Variants in PHF12 observed in about 807,000 individuals in gnomAD.
PHF12 encodes PHD factor 1.
PHF12 carries 6 observed loss-of-function variants against 99.8 expected under a neutral mutation model. That is an observed-to-expected ratio of 0.06 (90% CI 0.03 to 0.12). The LOEUF is 0.12. Among genes scored for constraint, PHF12 ranks in the 10% least tolerant of loss-of-function variants. The pLI is 1.00. For missense variants in PHF12, 954 were observed against 1,300.1 expected (o/e 0.73, Z 4.09); for synonymous variants, 480 against 514.9 (o/e 0.93, Z 0.92).
chr17:28,911,103 T>C lies in PHF12; in HGVS notation c.2215+9A>G. The C allele has an allele frequency of 6.2e-7, 1 of 1,614,080 alleles. No homozygotes were observed. The highest frequency in any genetic ancestry group is 2.2e-5 in the East Asian group (1 of 44,872). On this transcript the variant is annotated intron_variant, in intron 10 of 14. Coordinates refer to ENST00000332830, the MANE Select transcript of PHF12 (RefSeq NM_001033561.2). The stretch of plus-strand genomic sequence containing the variant: ...CAAACGGTGGAACAGCAGCAGCTCA[T>C]TCACTCACCTCCATTGACATCCATA...
intron 2 of PHF12, among the ~76,000 whole-genome samples, chr17:28,934,812 G>C (rs570603385): frequency 6.6e-6 from 1 of 152,168 alleles, no homozygotes; most frequent in Admixed American, 6.5e-5. Context: ...TCTTGGTCAG[G>C]CTGGTCTCGA....
At chr17:28,946,973 G>C (rs897572552) in intron 2 of PHF12, among the ~76,000 whole-genome samples, 4 of 151,970 alleles carry the variant, frequency 2.6e-5, no homozygotes, top group Non-Finnish European at 4.4e-5. Flanking sequence ...AAATTAAGCA[G>C]TAATAGGACA....
At chr17:28,912,368 A>G in intron 9 of PHF12, 114 bp downstream of exon 9, 1 of 1,438,464 alleles carries the variant, frequency 7.0e-7, no homozygotes, top group Non-Finnish European at 9.1e-7. Flanking sequence ...GACAAACAAT[A>G]CAAAGGCCAA....
At chr17:28,937,127 T>C (rs995170935) in intron 2 of PHF12, among the ~76,000 whole-genome samples, 1 of 152,222 alleles carries the variant, frequency 6.6e-6, no homozygotes, top group Non-Finnish European at 1.5e-5. Context: ...TAAAGTTTAA[T>C]TTAAATTTTA....
chr17:28,907,084 A>C, intron 13 of PHF12, 90 bp from the exon 14 acceptor site: 1 of 1,430,102 alleles, frequency 7.0e-7, no homozygotes, highest in Non-Finnish European at 9.5e-7. Context: ...AGGCCGTGCT[A>C]CTCTACCTAG....
intron 2 of PHF12, among the ~76,000 whole-genome samples, chr17:28,936,789 G>A (rs2040518367): frequency 6.6e-6 from 1 of 152,076 alleles, no homozygotes; most frequent in Non-Finnish European, 1.5e-5. Flanking sequence ...CACAGTTCAC[G>A]GGGCTCATCC....
chr17:28,929,954 T>C (rs1270582065), intron 2 of PHF12: 2 of 152,254 alleles, frequency 1.3e-5, no homozygotes, highest in Non-Finnish European at 2.9e-5. Context: ...AAATTAACCC[T>C]GAAGGGTGTC....
chr17:28,947,387 G>C (rs1389335237), intron 2 of PHF12, among the ~76,000 whole-genome samples: 1 of 152,066 alleles, frequency 6.6e-6, no homozygotes, highest in Non-Finnish European at 1.5e-5. Context: ...TCTCCAGCCT[G>C]GCCAACGTGG....
chr17:28,948,230 C>A (rs570179181), intron 2 of PHF12, among the ~76,000 whole-genome samples: 13 of 152,272 alleles, frequency 8.5e-5, no homozygotes, highest in African/African-American at 2.4e-4. Context: ...AGGACGTAAG[C>A]CCACATTTTA....
At chr17:28,947,585 AAAAC>A (rs768129076) in intron 2 of PHF12, among the ~76,000 whole-genome samples, 5 of 152,162 alleles carry the variant, frequency 3.3e-5, no homozygotes, top group Admixed American at 6.5e-5. Context: ...GTCTCAGAAA[AAAAC>A]AAACAAACAA....
Position 28,951,042 on chromosome 17 carries a change from T to G in PHF12, c.-82A>C. ...GGGGGGAGGTGAGGGGAGGGGGCGC[T>G]CCTGACCCCGGCCCCGCTTTTTTCC... On this transcript the variant is annotated 5_prime_UTR_variant, in exon 1 of 15. Coordinates refer to ENST00000332830, the MANE Select transcript of PHF12 (RefSeq NM_001033561.2). 6.3e-7 allele frequency: 1 copy of G among 1,598,634 alleles called. No homozygotes were observed. The highest frequency in any genetic ancestry group is 8.5e-7 in the Non-Finnish European group (1 of 1,172,394).
chr17:28,930,892 G>A (rs1159277913), intron 2 of PHF12, among the ~76,000 whole-genome samples: 2 of 152,102 alleles, frequency 1.3e-5, no homozygotes, highest in East Asian at 3.9e-4. Flanking sequence ...GCGACATGGT[G>A]AAACCCCACC....
chr17:28,926,998 C>T lies in PHF12; in HGVS notation c.314G>A (p.Arg105His), dbSNP rs770703592. Reference sequence around the variant, plus strand: ...AGAAAGCAGCATTATTACCTTTCGGCGAACAGTGCACCGGTGACACATCCA... The same window carrying T: ...AGAAAGCAGCATTATTACCTTTCGGTGAACAGTGCACCGGTGACACATCCA... ...GEWMCHRCTV[R>H]RKKREQKKEL... Residue 105 changes from arginine to histidine, a missense_variant, in exon 3 of 15, where the codon CGC becomes CAC. Arg to His is a conservative substitution (Grantham distance 29). Around this residue, in one of 8 missense-constraint regions of PHF12, gnomAD observed 109 missense variants for 145.4 expected, o/e 0.75. Transcript: ENST00000332830. 33 of 1,613,906 alleles carry T rather than the reference C, an allele frequency of 2.0e-5. No homozygotes were observed. The highest frequency in any genetic ancestry group is 1.6e-4 in the Middle Eastern group (1 of 6,084).
At chr17:28,919,981 TA>T (rs1310316772) in intron 5 of PHF12, among the ~76,000 whole-genome samples, 1 of 152,152 alleles carries the variant, frequency 6.6e-6, no homozygotes, top group African/African-American at 2.4e-5. Flanking sequence ...CCTACTTCAT[TA>T]AAAAAATCAC....
chr17:28,916,319 C>T (rs1012550247), intron 7 of PHF12, among the ~76,000 whole-genome samples: 11 of 152,112 alleles, frequency 7.2e-5, no homozygotes, highest in Admixed American at 3.9e-4. Context: ...CTCAGCCTCC[C>T]GAGTAGCTGG....
At chr17:28,947,947 G>A (rs1042325483) in intron 2 of PHF12, among the ~76,000 whole-genome samples, 3 of 151,676 alleles carry the variant, frequency 2.0e-5, no homozygotes, top group Non-Finnish European at 4.4e-5. Context: ...CTCACCAACA[G>A]CTAAAGAGTC....
Position 28,908,888 on chromosome 17 carries a change from G to A in PHF12, c.2360-7C>T, listed in dbSNP as rs1413718515. ...TGTACCTCCTTTCTTTGCACTACAA[G>A]ACAAACATAGGAATAGGATCATTCA... On this transcript the variant is annotated splice_region_variant and splice_polypyrimidine_tract_variant and intron_variant, in intron 11 of 14. Coordinates refer to ENST00000332830, the MANE Select transcript of PHF12 (RefSeq NM_001033561.2). 7 of 1,608,868 alleles carry A rather than the reference G, an allele frequency of 4.4e-6. No individual in the cohort carries two copies. Among genetic ancestry groups the A allele is most frequent in the Non-Finnish European group, 6.0e-6 (7 of 1,175,868 alleles).
At chr17:28,933,965 T>C (rs749018141) in intron 2 of PHF12, among the ~76,000 whole-genome samples, 1 of 152,054 alleles carries the variant, frequency 6.6e-6, no homozygotes, top group Non-Finnish European at 1.5e-5. Context: ...GAGGATCACT[T>C]GAGTCCAGGA....
chr17:28,929,771 CT>C (rs2040361020), intron 2 of PHF12: 1 of 152,140 alleles, frequency 6.6e-6, no homozygotes, highest in Non-Finnish European at 1.5e-5. Flanking sequence ...AAACAATGGC[CT>C]GCTGGGACAG....
Sources: gnomAD v4.1 joint callset for allele counts (sites outside exome capture counted in the v4.1 genomes callset) on GRCh38, gnomAD v4.1.1 for gene constraint, gnomAD v4.1.1 regional missense constraint, MANE v1.5 for transcripts, NCBI Gene and HGNC (gene_info 2026-07-23, HGNC 2026-07-21) for gene names.